The following DENND1A variants were observed in gnomAD, a reference collection of about 807,000 sequenced individuals.
DENND1A encodes the protein DENN domain-containing protein 1A.
In DENND1A, 51 loss-of-function variants were observed where a neutral mutation model predicts 113.7. The ratio of observed to expected loss-of-function variants is 0.45; its 90% CI spans 0.36 to 0.57. The LOEUF is 0.57. Among genes scored for constraint, DENND1A ranks in the 20% least tolerant of loss-of-function variants. DENND1A has a pLI of 0.00. For synonymous variants in DENND1A, 565 were observed against 570.8 expected, an observed-to-expected ratio of 0.99 and a Z score of 0.14; for missense variants, 1,258 against 1,395.9, an observed-to-expected ratio of 0.90 and a Z score of 1.57.
rs566574246 is a variant in DENND1A, at chr9:123,711,192, C to T, written c.303-34403G>A. On this transcript the variant is annotated intron_variant, in intron 5 of 23. Coordinates refer to ENST00000394215, the MANE Select transcript of DENND1A (RefSeq NM_001352964.2). ...TTAAAAAATATATAGAGGCCAGGTG[C>T]GGTGGCTCACACCTGTAATCCCAGC... Among the ~76,000 whole-genome samples the T allele has an allele frequency of 9.9e-4, 150 of 151,628 alleles. 1 individual carries two copies. The highest frequency in any genetic ancestry group is 3.3e-3 in the African/African-American group (136 of 41,350).
At chr9:123,571,668 G>A (rs138979295) in intron 12 of DENND1A, among the ~76,000 whole-genome samples, 30 of 143,764 alleles carry the variant, frequency 2.1e-4, no homozygotes, top group Admixed American at 6.3e-4. Context: ...TAAACATAAG[G>A]GATATAATAC....
chr9:123,392,172 T>C (rs981817343), intron 21 of DENND1A, among the ~76,000 whole-genome samples: 18 of 152,196 alleles, frequency 1.2e-4, no homozygotes, highest in African/African-American at 4.1e-4. Flanking sequence ...ACGTGCTCCA[T>C]GCTCTCTGCC....
intron 5 of DENND1A, among the ~76,000 whole-genome samples, chr9:123,719,456 C>G (rs1446336235): frequency 6.6e-6 from 1 of 152,184 alleles, no homozygotes; most frequent in African/African-American, 2.4e-5. Context: ...AGGTATCACA[C>G]ACAGAGCTGG....
intron 5 of DENND1A, among the ~76,000 whole-genome samples, chr9:123,711,648 C>A (rs978250725): frequency 6.6e-6 from 1 of 151,364 alleles, no homozygotes; most frequent in African/African-American, 2.4e-5. Flanking sequence ...AGTCATTCAA[C>A]ACCCTGGCTC....
chr9:123,777,148 T>C (rs1194662858), intron 3 of DENND1A, among the ~76,000 whole-genome samples: 2 of 152,228 alleles, frequency 1.3e-5, no homozygotes, highest in Non-Finnish European at 2.9e-5. Flanking sequence ...CTGTCAGCTT[T>C]CCAAAAGTTT....
At chr9:123,575,921 A>C (rs992002154) in intron 12 of DENND1A, among the ~76,000 whole-genome samples, 5 of 152,158 alleles carry the variant, frequency 3.3e-5, no homozygotes, top group African/African-American at 1.2e-4. Flanking sequence ...TTATATAATA[A>C]CCTCTGTAAA....
rs781600814 is a variant in DENND1A, at chr9:123,792,576, G to T, written c.132+11C>A. The T allele has an allele frequency of 1.2e-6, 2 of 1,610,246 alleles. No individual in the cohort carries two copies. The highest frequency in any genetic ancestry group is 1.3e-5 in the African/African-American group (1 of 74,916). The stretch of plus-strand genomic sequence containing the variant: ...TTTTGTCATGTAAAAAATTAATTAC[G>T]CATTCCGAACCTGGTCACTGTAGTC... On this transcript the variant is annotated intron_variant, in intron 3 of 23. Transcript: ENST00000394215.
intron 19 of DENND1A, among the ~76,000 whole-genome samples, chr9:123,426,263 G>A (rs10986016): frequency 0.16 from 23,967 of 152,178 alleles, 1,926 homozygotes; most frequent in East Asian, 0.19. Flanking sequence ...CTATCTCAAC[G>A]TGTGCTGATG....
At chr9:123,627,568 G>A (rs1309098274) in intron 10 of DENND1A, among the ~76,000 whole-genome samples, 1 of 152,056 alleles carries the variant, frequency 6.6e-6, no homozygotes, top group African/African-American at 2.4e-5. Context: ...GGGAAACTCC[G>A]TCTCTACTAA....
intron 2 of DENND1A, among the ~76,000 whole-genome samples, chr9:123,865,363 G>A (rs1845664865): frequency 6.6e-6 from 1 of 152,184 alleles, no homozygotes; most frequent in African/African-American, 2.4e-5. Flanking sequence ...TCCACCCCAG[G>A]GATTAAGAAC....
At chr9:123,500,652 C>T (rs1298901260) in intron 13 of DENND1A, among the ~76,000 whole-genome samples, 1 of 152,194 alleles carries the variant, frequency 6.6e-6, no homozygotes, top group African/African-American at 2.4e-5. Flanking sequence ...GTTCTCCGCA[C>T]GCCTCTCCCT....
intron 1 of DENND1A, among the ~76,000 whole-genome samples, chr9:123,909,484 T>G (rs1411118227): frequency 6.6e-6 from 1 of 151,798 alleles, no homozygotes. Context: ...TTGGTAAAAT[T>G]CAACATCCAT....
intron 19 of DENND1A, chr9:123,440,021 A>C: frequency 1.3e-5 from 2 of 158,920 alleles, no homozygotes; most frequent in African/African-American, 2.4e-5. Flanking sequence ...GGTGCAAAGA[A>C]GGGCCCGGGA....
intron 13 of DENND1A, among the ~76,000 whole-genome samples, chr9:123,467,782 G>T (rs1043602119): frequency 6.6e-6 from 1 of 152,148 alleles, no homozygotes; most frequent in Non-Finnish European, 1.5e-5. Flanking sequence ...CCATGCAGGT[G>T]GGGCCAGCCT....
intron 13 of DENND1A, among the ~76,000 whole-genome samples, chr9:123,548,341 T>C (rs1033834563): frequency 6.6e-6 from 1 of 152,230 alleles, no homozygotes; most frequent in Non-Finnish European, 1.5e-5. Context: ...CTCCGGCCTG[T>C]AGGTTTTGGC....
intron 20 of DENND1A, among the ~76,000 whole-genome samples, chr9:123,403,856 C>T (rs192375961): frequency 2.2e-4 from 33 of 152,322 alleles, no homozygotes; most frequent in Non-Finnish European, 7.3e-5. Context: ...TCCCTCTCAT[C>T]TTCCTCTGAT....
At chr9:123,753,704 ATGC>A (rs2070271732) in intron 5 of DENND1A, among the ~76,000 whole-genome samples, 1 of 57,182 alleles carries the variant, frequency 1.7e-5, no homozygotes, top group African/African-American at 3.4e-4. Context: ...ACTGCTGGAG[ATGC>A]ATGCATAGTT....
chr9:123,899,452 A>G (rs1240657482), intron 1 of DENND1A, among the ~76,000 whole-genome samples: 1 of 152,162 alleles, frequency 6.6e-6, no homozygotes, highest in Non-Finnish European at 1.5e-5. Context: ...AAGCTAGACA[A>G]AGGTGCCAAA....
chr9:123,793,399 A>G (rs74798350), intron 2 of DENND1A, among the ~76,000 whole-genome samples: 1,638 of 152,336 alleles, frequency 0.011, 33 homozygotes, highest in African/African-American at 0.036. Context: ...TGAACAAATT[A>G]AAAGCTATTA....
Sources: allele counts gnomAD v4.1 joint callset (sites outside exome capture counted in the v4.1 genomes callset), GRCh38; gene constraint gnomAD v4.1.1; transcripts MANE v1.5; gene names NCBI Gene and HGNC (gene_info 2026-07-23, HGNC 2026-07-21).